PTGER3: variants seen among roughly 807,000 people sequenced by gnomAD.
PTGER3 encodes prostaglandin E2 receptor EP3 subtype.
A neutral mutation model predicts 34.7 loss-of-function variants in PTGER3; 22 were observed. The observed-to-expected ratio is 0.63, with a 90% CI of 0.45 to 0.91. The LOEUF (loss-of-function observed/expected upper bound fraction) is 0.91. Among genes scored for constraint, PTGER3 ranks in the 40% least tolerant of loss-of-function variants. PTGER3 has a pLI of 0.00. For missense variants in PTGER3, 468 were observed against 519.4 expected (o/e 0.90, Z 0.96); for synonymous variants, 241 against 230.1 (o/e 1.05, Z -0.43).
chr1:71,047,501 G>T lies in PTGER3; in HGVS notation c.77C>A (p.Ala26Glu), dbSNP rs1407489699. 3 of 1,603,488 alleles carry T rather than the reference G, an allele frequency of 1.9e-6. No individual in the cohort carries two copies. Among genetic ancestry groups the T allele is most frequent in the African/African-American group, 1.3e-5 (1 of 74,906 alleles). ...CCGCGCCTCGGCGGAACGCTCGGGC[G>T]CCCACATGCCTGTGTAGGAGTGGTT... ...RLNHSYTGMWAPERSAEARGN... is the reference protein window; with the variant it reads ...RLNHSYTGMWEPERSAEARGN... The change falls in exon 1 of 4, where the codon GCG becomes GAG. Residue 26 changes from alanine to glutamate, a missense_variant. Physicochemically the swap from Ala to Glu is moderately radical, Grantham distance 107. Around this residue, in one of 5 missense-constraint regions of PTGER3, gnomAD observed 151 missense variants for 133.5 expected, o/e 1.13. Transcript: ENST00000306666.
intron 1 of PTGER3, among the ~76,000 whole-genome samples, chr1:71,039,896 A>G (rs969139172): frequency 6.6e-6 from 1 of 152,058 alleles, no homozygotes; most frequent in African/African-American, 2.4e-5. Context: ...ATATGGAAGG[A>G]ATGTTCCCAG....
intron 4 of PTGER3, among the ~76,000 whole-genome samples, chr1:70,881,254 G>A (rs1346269274): frequency 6.6e-6 from 1 of 152,098 alleles, no homozygotes; most frequent in South Asian, 2.1e-4. Flanking sequence ...TTTCACCTCT[G>A]TTAGTTCAGT....
In PTGER3 at chr1:71,047,176, C is replaced by A; in HGVS notation, c.402G>T (p.Gly134=). 6.2e-7 allele frequency: 1 copy of A among 1,600,168 alleles called. No homozygotes were observed. Among genetic ancestry groups the A allele is most frequent in the Non-Finnish European group, 8.5e-7 (1 of 1,173,578 alleles). Residue 134 remains glycine (G), a synonymous_variant, in exon 1 of 4, where the codon GGG becomes GGT. Coordinates refer to ENST00000306666, the MANE Select transcript of PTGER3 (RefSeq NM_198719.2). The part of the protein sequence containing the change: ...DPSGRLCTFF[G]LTMTVFGLSS... ...AGAGCCCGAAAACAGTCATGGTCAG[C>A]CCGAAAAAGGTGCAGAGCCGCCCCG...
At chr1:70,936,605 GA>G (rs1038971765) in intron 4 of PTGER3, among the ~76,000 whole-genome samples, 9 of 152,136 alleles carry the variant, frequency 5.9e-5, no homozygotes, top group Non-Finnish European at 1.0e-4. Context: ...CAAAATGGAA[GA>G]GGCTTTGTAT....
chr1:71,023,832 T>C (rs1435510804), intron 1 of PTGER3, among the ~76,000 whole-genome samples: 2 of 151,708 alleles, frequency 1.3e-5, no homozygotes, highest in Non-Finnish European at 2.9e-5. Flanking sequence ...TATGGTTTTT[T>C]TTTTAATCTA....
chr1:70,859,884 A>C (rs989303054), intron 4 of PTGER3, among the ~76,000 whole-genome samples: 1 of 152,208 alleles, frequency 6.6e-6, no homozygotes, highest in Admixed American at 6.5e-5. Flanking sequence ...TGAGTTCTTC[A>C]GACATCATAG....
intron 2 of PTGER3, among the ~76,000 whole-genome samples, chr1:70,995,548 A>G (rs1022856156): frequency 1.3e-5 from 2 of 152,198 alleles, no homozygotes; most frequent in Non-Finnish European, 2.9e-5. Context: ...GCGTCCAAAT[A>G]CTACACCTAG....
intron 1 of PTGER3, among the ~76,000 whole-genome samples, chr1:71,032,407 T>G (rs1212704301): frequency 6.6e-6 from 1 of 151,848 alleles, no homozygotes; most frequent in Non-Finnish European, 1.5e-5. Flanking sequence ...AAATCTATGA[T>G]GTCTAAACAG....
At chr1:70,895,822 G>A (rs185386101) in intron 4 of PTGER3, among the ~76,000 whole-genome samples, 1 of 152,180 alleles carries the variant, frequency 6.6e-6, no homozygotes, top group African/African-American at 2.4e-5. Context: ...CAAAGCTCAG[G>A]CTAAGGTGGT....
intron 4 of PTGER3, among the ~76,000 whole-genome samples, chr1:70,882,972 C>T (rs533807922): frequency 6.6e-6 from 1 of 152,224 alleles, no homozygotes; most frequent in Non-Finnish European, 1.5e-5. Flanking sequence ...AGTCTATCAT[C>T]TTGGACCCTC....
intron 4 of PTGER3, among the ~76,000 whole-genome samples, chr1:70,929,361 A>G (rs998544961): frequency 2.0e-5 from 3 of 152,224 alleles, no homozygotes; most frequent in African/African-American, 7.2e-5. Context: ...AGTTGATTTC[A>G]TAATTTAAAT....
chr1:71,012,047 T>C, intron 2 of PTGER3: 5 of 1,429,184 alleles, frequency 3.5e-6, no homozygotes, highest in Non-Finnish European at 4.6e-6. Context: ...TGTGTTTCAC[T>C]ACTTTTGGCA....
intron 4 of PTGER3, among the ~76,000 whole-genome samples, chr1:70,875,695 C>T (rs532121601): frequency 3.9e-5 from 6 of 152,266 alleles, no homozygotes; most frequent in Middle Eastern, 3.4e-3. Flanking sequence ...CAGTGTTTAG[C>T]TCCCACTTAT....
chr1:70,882,487 C>T (rs150177941), intron 4 of PTGER3, among the ~76,000 whole-genome samples: 29 of 152,298 alleles, frequency 1.9e-4, no homozygotes, highest in Non-Finnish European at 3.2e-4. Flanking sequence ...GAGCCCTGTC[C>T]AATGAAATGA....
In PTGER3 at chr1:70,981,320, CTTCT is replaced by C. The variant is rs57513190; in HGVS notation, c.1078-6936_1078-6933del. ...CCTTCCTTCCTTCCTTCCTTCCTTTCTTCTTTCTTTCTTTCTTTCTTTCTTTCTT... is the reference window on the plus strand; with the variant it reads ...CCTTCCTTCCTTCCTTCCTTCCTTTCTTCTTTCTTTCTTTCTTTCTTTCTT... On this transcript the variant is annotated intron_variant, in intron 2 of 3. Coordinates refer to ENST00000306666, the MANE Select transcript of PTGER3 (RefSeq NM_198719.2). Among the ~76,000 whole-genome samples the C allele has an allele frequency of 3.5e-3, 246 of 71,198 alleles. 2 individuals are homozygous for C. Among genetic ancestry groups the C allele is most frequent in the African/African-American group, 8.7e-3 (152 of 17,564 alleles). 46.7% of individuals were successfully genotyped at this position (71,198 alleles called of 152,430 possible).
intron 2 of PTGER3, chr1:71,006,987 T>C: frequency 1.0e-6 from 1 of 985,730 alleles, no homozygotes; most frequent in African/African-American, 1.7e-5. Flanking sequence ...CGCTCTTTTA[T>C]TTTTTGTCTC....
intron 1 of PTGER3, among the ~76,000 whole-genome samples, chr1:71,045,376 G>GA (rs927304476): frequency 1.3e-4 from 20 of 151,948 alleles, no homozygotes; most frequent in African/African-American, 4.8e-4. Context: ...AATTAGGAAA[G>GA]AAAAAAAACT....
At position 71,047,223 on chromosome 1, in the gene PTGER3, G is replaced by A. The variant is rs778228959; in HGVS notation, c.355C>T (p.Arg119Cys). ...VVIVVYLSKQRWEHIDPSGRL... is the reference protein window; with the variant it reads ...VVIVVYLSKQCWEHIDPSGRL... ...CCCGACGGGTCGATGTGCTCCCAACGCTGCTTGGACAGGTACACGACGATG... is the reference window on the plus strand; with the variant it reads ...CCCGACGGGTCGATGTGCTCCCAACACTGCTTGGACAGGTACACGACGATG... Residue 119 changes from arginine (R) to cysteine (C), a missense_variant, in exon 1 of 4, where the codon CGT becomes TGT. Transcript: ENST00000306666. The A allele has an allele frequency of 1.3e-6, 2 of 1,597,272 alleles. No individual in the cohort carries two copies. Among genetic ancestry groups the A allele is most frequent in the Non-Finnish European group, 1.7e-6 (2 of 1,172,308 alleles).
intron 4 of PTGER3, among the ~76,000 whole-genome samples, chr1:70,925,014 G>A (rs1647916528): frequency 6.6e-6 from 1 of 152,174 alleles, no homozygotes; most frequent in East Asian, 1.9e-4. Flanking sequence ...AACATGATTG[G>A]ATTGAAGGAT....
Sources: gnomAD v4.1 joint callset for allele counts (sites outside exome capture counted in the v4.1 genomes callset) on GRCh38, gnomAD v4.1.1 for gene constraint, gnomAD v4.1.1 regional missense constraint, MANE v1.5 for transcripts, NCBI Gene and HGNC (gene_info 2026-07-23, HGNC 2026-07-21) for gene names.